EP400: variants seen among roughly 807,000 people sequenced by gnomAD.
EP400 encodes the protein E1A binding protein p400, also known as E1A-binding protein p400.
In EP400, 105 loss-of-function variants were observed where a neutral mutation model predicts 354.1. That is an observed-to-expected ratio of 0.30 (90% CI 0.25 to 0.35). The LOEUF is 0.35. EP400 is among the 10% of genes least tolerant of loss of function. The pLI is 1.00. For synonymous variants in EP400, 1,646 were observed against 1,716.9 expected (o/e 0.96, Z 1.02); for missense variants, 3,280 against 4,121.0 (o/e 0.80, Z 5.59).
Position 132,017,892 on chromosome 12 carries a change from G to A in EP400, c.4110+171G>A, listed in dbSNP as rs946780340. Among the ~76,000 whole-genome samples the A allele has an allele frequency of 1.3e-5, 2 of 152,328 alleles. No individual in the cohort carries two copies. Among genetic ancestry groups the A allele is most frequent in the Admixed American group, 6.5e-5 (1 of 15,302 alleles). On this transcript the variant is annotated intron_variant, in intron 20 of 52. Transcript: ENST00000389561. The surrounding 1 kb of genome is among the most constrained non-coding windows in gnomAD (Gnocchi z 5.0). Reference sequence around the variant, plus strand: ...CACTGATGGCCTGCCACCCCTTGCCGGAGTGTTCCACCTCCGGAAATTTAC... The same window carrying A: ...CACTGATGGCCTGCCACCCCTTGCCAGAGTGTTCCACCTCCGGAAATTTAC...
chr12:132,040,732 G>A (rs1894871938), intron 32 of EP400, among the ~76,000 whole-genome samples: 4 of 152,208 alleles, frequency 2.6e-5, no homozygotes, highest in South Asian at 4.1e-4. Flanking sequence ...CTGAATCCAG[G>A]GGAGAATGTG....
chr12:131,983,139 G>A (rs1892738367), intron 5 of EP400, among the ~76,000 whole-genome samples: 1 of 152,206 alleles, frequency 6.6e-6, no homozygotes, highest in Admixed American at 6.5e-5. Context: ...CATTCTACCA[G>A]TGTGGAGACA....
intron 7 of EP400, 82 bp downstream of exon 7, chr12:131,987,972 C>T: frequency 1.1e-6 from 1 of 895,628 alleles, no homozygotes; most frequent in South Asian, 3.5e-5. Flanking sequence ...GTGGGGAGGT[C>T]TCCAGACCCA....
chr12:132,031,873 A>G lies in EP400; in HGVS notation c.5755-80A>G, dbSNP rs1483646150. 3.5e-6 allele frequency: 5 copies of G among 1,437,910 alleles called. No individual in the cohort carries two copies. In the East Asian group the frequency reaches 7.0e-5, roughly 20 times the overall value. The allele number at this position is 1,437,910 out of a possible 1,614,324, so 89.1% of individuals were successfully genotyped here. On this transcript the variant is annotated intron_variant, in intron 29 of 52. Transcript: ENST00000389561. Reference sequence around the variant, plus strand: ...CCCGGCCTGCTGTGGGATTATTTCTAATTAATAAATGTTGAAACGTGTCAA... The same window carrying G: ...CCCGGCCTGCTGTGGGATTATTTCTGATTAATAAATGTTGAAACGTGTCAA...
At position 132,025,902 on chromosome 12, in the gene EP400, C is replaced by A; in HGVS notation, c.5014+98C>A. ...CATTCATGTGTCTTTGACTGTATCT[C>A]AGAACAGCACAGTCTAGTGTGTGGC... On this transcript the variant is annotated intron_variant, in intron 25 of 52. Transcript: ENST00000389561. The surrounding 1 kb of genome is among the most constrained non-coding windows in gnomAD (Gnocchi z 4.1). 1 of 1,343,242 alleles carries A rather than the reference C, an allele frequency of 7.4e-7. No homozygotes were observed. The highest frequency in any genetic ancestry group is 9.8e-7 in the Non-Finnish European group (1 of 1,016,590). 83.2% of individuals were successfully genotyped at this position (1,343,242 alleles called of 1,614,324 possible).
chr12:131,951,091 GA>G (rs1891468963), intron 1 of EP400, among the ~76,000 whole-genome samples: 1 of 134,738 alleles, frequency 7.4e-6, no homozygotes, highest in Non-Finnish European at 1.6e-5. Flanking sequence ...TTTTTTTTTG[GA>G]TTTTTAGTAG....
chr12:131,990,444 A>G lies in EP400; in HGVS notation c.2551-192A>G, dbSNP rs1410149590. 6.6e-6 allele frequency among the ~76,000 whole-genome samples: 1 copy of G among 152,162 alleles called. No homozygotes were observed. Among genetic ancestry groups the G allele is most frequent in the Non-Finnish European group, 1.5e-5 (1 of 68,028 alleles). ...CTTGCTTTCCTTTTTTGAAATTTTA[A>G]TTCTTACCTCACCACCTAATAGAAC... is the stretch of plus-strand genomic sequence containing the variant. On this transcript the variant is annotated intron_variant, in intron 8 of 52. Transcript: ENST00000389561. The surrounding 1 kb of genome is among the most constrained non-coding windows in gnomAD (Gnocchi z 4.2).
intron 4 of EP400, 25 bp downstream of exon 4, chr12:131,981,621 T>C (rs1892683604): frequency 4.5e-6 from 7 of 1,571,172 alleles, no homozygotes; most frequent in Non-Finnish European, 6.1e-6. Flanking sequence ...CAGAGCCAGC[T>C]CCCCGCTCAG....
intron 12 of EP400, 70 bp from the exon 13 acceptor site, chr12:132,005,007 T>C: frequency 2.4e-6 from 3 of 1,246,408 alleles, no homozygotes; most frequent in Non-Finnish European, 2.3e-6. Context: ...TCCTGGCTGC[T>C]GCTCCTTCCC....
intron 2 of EP400, among the ~76,000 whole-genome samples, chr12:131,973,808 G>A (rs745623778): frequency 2.6e-5 from 4 of 152,216 alleles, no homozygotes; most frequent in African/African-American, 9.6e-5. Context: ...GTTGTGTTGA[G>A]TGCAGCTATA....
Position 132,077,624 on chromosome 12 carries a change from G to A in EP400, c.9323G>A (p.Arg3108Lys). 6.2e-7 allele frequency: 1 copy of A among 1,613,750 alleles called. No homozygotes were observed. The highest frequency in any genetic ancestry group is 8.5e-7 in the Non-Finnish European group (1 of 1,179,896). The change falls in exon 53 of 53, where the codon AGG becomes AAG. Residue 3108 changes from arginine (R) to lysine (K), a missense_variant. Physicochemically the swap from Arg to Lys is conservative, Grantham distance 26. This residue lies in a region of EP400 where 279 missense variants were observed against 386.7 expected (regional missense o/e 0.72). Coordinates refer to ENST00000389561, the MANE Select transcript of EP400 (RefSeq NM_015409.5). ...SPSQQPKLQM[R>K]VPAVRLKTPT... ...AGCCAGCAGCCCAAGTTACAGATGAGGGTCCCTGCTGTCAGGCTAAAGACA... is the reference window on the plus strand; with the variant it reads ...AGCCAGCAGCCCAAGTTACAGATGAAGGTCCCTGCTGTCAGGCTAAAGACA...
At position 132,050,869 on chromosome 12, in the gene EP400, G is replaced by A. The variant is rs554740515; in HGVS notation, c.7394+214G>A. The A allele has an allele frequency of 1.6e-6, 1 of 607,744 alleles. No homozygotes were observed. Among genetic ancestry groups the A allele is most frequent in the South Asian group, 2.0e-5 (1 of 50,658 alleles). The allele number at this position is 607,744 out of a possible 1,614,324, so 37.6% of individuals were successfully genotyped here. On this transcript the variant is annotated intron_variant, in intron 41 of 52. Coordinates refer to ENST00000389561, the MANE Select transcript of EP400 (RefSeq NM_015409.5). This position sits in a 1 kb window ranked among gnomAD's most constrained non-coding sequence, Gnocchi z 4.8. ...CCCCTGCCCTGTCTCTGTGTTACAG[G>A]GATTGTCCTTGCTGGCCCTCAGTGG...
At chr12:132,058,317 A>G (rs1895581362) in intron 45 of EP400, among the ~76,000 whole-genome samples, 1 of 148,502 alleles carries the variant, frequency 6.7e-6, no homozygotes, top group African/African-American at 2.5e-5. Context: ...TTGAGGCTAG[A>G]TTGTACTGGG....
At chr12:132,000,149 A>G (rs1354199281) in intron 12 of EP400, among the ~76,000 whole-genome samples, 1 of 151,748 alleles carries the variant, frequency 6.6e-6, no homozygotes, top group African/African-American at 2.4e-5. Context: ...TTTTTCCGTA[A>G]TACTGCTTTA....
At chr12:131,972,766 C>T (rs1487057750) in intron 2 of EP400, among the ~76,000 whole-genome samples, 3 of 119,946 alleles carry the variant, frequency 2.5e-5, no homozygotes, top group African/African-American at 1.0e-4. Context: ...GAGTCTCGCT[C>T]TGTTGTCCAG....
Position 132,052,071 on chromosome 12 carries a change from C to T in EP400, c.7395-1075C>T, listed in dbSNP as rs546112970. On this transcript the variant is annotated intron_variant, in intron 41 of 52. Coordinates refer to ENST00000389561, the MANE Select transcript of EP400 (RefSeq NM_015409.5). This position sits in a 1 kb window ranked among gnomAD's most constrained non-coding sequence, Gnocchi z 4.4. ...CTTTTCCTAGGTTATGATTATAGAG[C>T]GAGGATTATTATAATATTGGAATAA... Among the ~76,000 whole-genome samples, 138 of 152,216 alleles carry T rather than the reference C, an allele frequency of 9.1e-4. No individual in the cohort carries two copies. Among genetic ancestry groups the T allele is most frequent in the African/African-American group, 3.1e-3 (129 of 41,518 alleles).
At chr12:131,992,070 T>G (rs1893058154) in intron 10 of EP400, 103 bp from the exon 11 acceptor site, 2 of 1,270,196 alleles carry the variant, frequency 1.6e-6, no homozygotes, top group Admixed American at 1.7e-5. Flanking sequence ...CTAGCAGGCT[T>G]GCCCCGGGGC....
intron 34 of EP400, 29 bp from the exon 35 acceptor site, chr12:132,044,148 C>G: frequency 1.9e-6 from 3 of 1,611,592 alleles, no homozygotes; most frequent in Non-Finnish European, 2.5e-6. Flanking sequence ...ACTCCTGATC[C>G]TGAAAGTTCT....
intron 45 of EP400, among the ~76,000 whole-genome samples, chr12:132,055,484 G>GGTGTGTGTGAGGTGTAGGTGT (rs1238495630): frequency 1.5e-5 from 2 of 136,182 alleles, no homozygotes; most frequent in Non-Finnish European, 3.2e-5. Context: ...GAGGTGTAGG[G>GGTGTGTGTGAGGTGTAGGTGT]GTGTGTGTGA....
Sources: allele counts gnomAD v4.1 joint callset (sites outside exome capture counted in the v4.1 genomes callset), GRCh38; gene constraint gnomAD v4.1.1; regional missense constraint gnomAD v4.1.1; non-coding constraint Gnocchi (gnomAD v3.1); transcripts MANE v1.5; gene names NCBI Gene and HGNC (gene_info 2026-07-23, HGNC 2026-07-21).